Variants in NRXN1 observed in about 807,000 individuals in gnomAD.
NRXN1 encodes the protein neurexin 1.
NRXN1 carries 39 observed loss-of-function variants against 150.9 expected under a neutral mutation model. The ratio of observed to expected loss-of-function variants is 0.26; its 90% CI spans 0.20 to 0.34. The LOEUF (loss-of-function observed/expected upper bound fraction) is 0.34, where lower values mean the gene tolerates loss of function less well. Ranked by LOEUF, NRXN1 falls within the 10% of genes least tolerant of loss-of-function variation. The pLI is 1.00. For missense variants in NRXN1, 1,815 were observed against 1,949.9 expected (o/e 0.93, Z 1.30); for synonymous variants, 924 against 757.0 (o/e 1.22, Z -3.62).
At chr2:49,995,616 C>A (rs900382488) in intron 21 of NRXN1, among the ~76,000 whole-genome samples, 28 of 151,632 alleles carry the variant, frequency 1.8e-4, no homozygotes, top group African/African-American at 5.8e-4. Flanking sequence ...CCCGCCTCTA[C>A]TAAAAATACA....
chr2:50,933,063 C>T (rs1338787461), intron 2 of NRXN1, among the ~76,000 whole-genome samples: 1 of 151,824 alleles, frequency 6.6e-6, no homozygotes, highest in Non-Finnish European at 1.5e-5. Flanking sequence ...AACAAAAAAA[C>T]ACGCATTTAG....
At chr2:50,898,521 T>C (rs1294993927) in intron 5 of NRXN1, 7 of 410,416 alleles carry the variant, frequency 1.7e-5, no homozygotes, top group South Asian at 5.4e-5. Flanking sequence ...TTTTATGAAA[T>C]GTCAAATAAA....
chr2:50,819,928 C>A (rs1170744471), intron 5 of NRXN1, among the ~76,000 whole-genome samples: 2 of 152,002 alleles, frequency 1.3e-5, no homozygotes, highest in African/African-American at 4.8e-5. Context: ...ATTGTATCAC[C>A]CTGACTTGTC....
intron 5 of NRXN1, among the ~76,000 whole-genome samples, chr2:50,680,733 A>G (rs974402507): frequency 1.3e-5 from 2 of 152,062 alleles, no homozygotes; most frequent in Non-Finnish European, 2.9e-5. Flanking sequence ...CCTTCTTTGG[A>G]TAACTTTAAG....
At position 50,569,121 on chromosome 2, in the gene NRXN1, G is replaced by A. The variant is rs188978545; in HGVS notation, c.1321-16096C>T. Among the ~76,000 whole-genome samples the A allele has an allele frequency of 2.6e-3, 392 of 152,136 alleles. 1 individual carries two copies. Among genetic ancestry groups the A allele is most frequent in the African/African-American group, 9.1e-3 (377 of 41,526 alleles). On this transcript the variant is annotated intron_variant, in intron 8 of 22. Coordinates refer to ENST00000401669, the MANE Select transcript of NRXN1 (RefSeq NM_001330078.2). ...CAATTGAATTCATAGAGACTAAAAG[G>A]ATGGATACCGGGGCCTGGGAAGGGT...
intron 18 of NRXN1, among the ~76,000 whole-genome samples, chr2:50,143,819 T>G (rs1193858523): frequency 6.6e-6 from 1 of 151,840 alleles, no homozygotes; most frequent in Non-Finnish European, 1.5e-5. Context: ...TTGCCCAGCG[T>G]AATTGCTCAG....
At chr2:50,910,309 C>T (rs1051635206) in intron 5 of NRXN1, among the ~76,000 whole-genome samples, 1 of 151,986 alleles carries the variant, frequency 6.6e-6, no homozygotes, top group Admixed American at 6.6e-5. Context: ...CACTATTGTG[C>T]ATTCACTATT....
chr2:50,481,708 T>C (rs2090468361), intron 15 of NRXN1, among the ~76,000 whole-genome samples: 1 of 151,572 alleles, frequency 6.6e-6, no homozygotes, highest in African/African-American at 2.4e-5. Flanking sequence ...AATATTGTTA[T>C]TATCCATATC....
At chr2:50,170,756 C>CGTGT (rs58130457) in intron 18 of NRXN1, among the ~76,000 whole-genome samples, 3,318 of 143,178 alleles carry the variant, frequency 0.023, 72 homozygotes, top group African/African-American at 0.052. Flanking sequence ...CTCTGTCTGT[C>CGTGT]GTGTGTGTGT....
rs561441649 is a variant in NRXN1 at position 50,567,486 on chromosome 2, A to G, written c.1321-14461T>C. Among the ~76,000 whole-genome samples, 3 of 152,322 alleles carry G rather than the reference A, an allele frequency of 2.0e-5. 1 individual carries two copies. Among genetic ancestry groups the G allele is most frequent in the African/African-American group, 7.2e-5 (3 of 41,578 alleles). ...TATAAAGGAGGATGTTAAATCTCAT[A>G]TCACGACAAATATTTCAATGAAATA... On this transcript the variant is annotated intron_variant, in intron 8 of 22. Transcript: ENST00000401669.
rs1693031131 is a variant in NRXN1, at chr2:50,697,194, GA to G, written c.833-73580del. Among the ~76,000 whole-genome samples the G allele has an allele frequency of 2.0e-5, 3 of 152,278 alleles. No individual in the cohort carries two copies. In the South Asian group the frequency reaches 6.2e-4, roughly 32 times the overall value. ...GGGAATATTTTGCACACGTAATTCT[GA>G]GTGTTATATTTTTAGCTTGTATAAA... On this transcript the variant is annotated intron_variant, in intron 5 of 22. Transcript: ENST00000401669.
Position 50,622,421 on chromosome 2 carries a change from A to G in NRXN1, c.1134+893T>C, listed in dbSNP as rs565821837. ...CAGAGAAACAACAAATATGTTAAGGATATTAGTTTAAGATCAGCATGTACG... is the reference window on the plus strand; with the variant it reads ...CAGAGAAACAACAAATATGTTAAGGGTATTAGTTTAAGATCAGCATGTACG... On this transcript the variant is annotated intron_variant, in intron 6 of 22. Transcript: ENST00000401669. Among the ~76,000 whole-genome samples the G allele has an allele frequency of 3.3e-5, 5 of 152,290 alleles. No homozygotes were observed. The East Asian group carries it at 9.7e-4, about 29-fold the overall frequency.
chr2:50,934,673 T>A (rs1688257841), intron 2 of NRXN1, among the ~76,000 whole-genome samples: 1 of 152,194 alleles, frequency 6.6e-6, no homozygotes, highest in Non-Finnish European at 1.5e-5. Context: ...GCTATTCATA[T>A]AATGTACATA....
chr2:50,166,279 ATGTGTGTGTGTGTG>A (rs70946894), intron 18 of NRXN1, among the ~76,000 whole-genome samples: 23 of 131,614 alleles, frequency 1.7e-4, no homozygotes, highest in East Asian at 1.6e-3. Context: ...TACTCAACGT[ATGTGTGTGTGTGTG>A]TGTGTGTGTG....
chr2:50,531,629 T>C (rs991355954), intron 10 of NRXN1, among the ~76,000 whole-genome samples, 199 bp from the exon 11 acceptor site: 1 of 152,146 alleles, frequency 6.6e-6, no homozygotes, highest in Non-Finnish European at 1.5e-5. Flanking sequence ...TTGTGAGATA[T>C]TTGCTAAAGC....
intron 5 of NRXN1, among the ~76,000 whole-genome samples, chr2:50,863,046 G>A (rs1574747450): frequency 6.6e-6 from 1 of 152,154 alleles, no homozygotes; most frequent in African/African-American, 2.4e-5. Flanking sequence ...GAGGGAATAT[G>A]AAGAAAAGGA....
chr2:50,213,333 A>T (rs2063165272), intron 18 of NRXN1, among the ~76,000 whole-genome samples: 2 of 151,974 alleles, frequency 1.3e-5, no homozygotes, highest in South Asian at 4.1e-4. Flanking sequence ...TATTGAATAC[A>T]TTTTATAGAA....
chr2:50,856,777 A>G (rs1675336844), intron 5 of NRXN1, among the ~76,000 whole-genome samples: 1 of 152,060 alleles, frequency 6.6e-6, no homozygotes, highest in African/African-American at 2.4e-5. Context: ...GGGTGTTAGC[A>G]TTTCCTAGTA....
At chr2:50,801,568 G>C (rs779551825) in intron 5 of NRXN1, among the ~76,000 whole-genome samples, 1 of 152,020 alleles carries the variant, frequency 6.6e-6, no homozygotes, top group Non-Finnish European at 1.5e-5. Context: ...CACAAGCTTT[G>C]ATATTTAAAA....
Sources: gnomAD v4.1 joint callset for allele counts (sites outside exome capture counted in the v4.1 genomes callset) on GRCh38, gnomAD v4.1.1 for gene constraint, MANE v1.5 for transcripts, NCBI Gene and HGNC (gene_info 2026-07-23, HGNC 2026-07-21) for gene names.